Variants in AGBL1 observed in about 807,000 individuals in gnomAD.
AGBL1 encodes cytosolic carboxypeptidase 4.
AGBL1 carries 130 observed loss-of-function variants against 118.9 expected under a neutral mutation model. The ratio of observed to expected loss-of-function variants is 1.09; its 90% confidence interval spans 0.95 to 1.26. The LOEUF is 1.26. Among genes scored for constraint, AGBL1 ranks in the 50% most tolerant of loss-of-function variants. The pLI is 0.00. For missense variants in AGBL1, 1,584 were observed against 1,298.1 expected (o/e 1.22, Z -3.38); for synonymous variants, 555 against 478.9 (o/e 1.16, Z -2.08).
chr15:86,387,997 G>A (rs906070418), intron 17 of AGBL1, among the ~76,000 whole-genome samples: 1 of 152,170 alleles, frequency 6.6e-6, no homozygotes, highest in Non-Finnish European at 1.5e-5. Flanking sequence ...ACTGGAAGGC[G>A]GGTAGGGCTG....
At chr15:86,984,361 CTCTTT>C (rs1290722874) in intron 23 of AGBL1, among the ~76,000 whole-genome samples, 11 of 143,464 alleles carry the variant, frequency 7.7e-5, no homozygotes, top group South Asian at 2.2e-4. Flanking sequence ...ATTTTTTTCT[CTCTTT>C]TTTTTTTTTT....
rs1389415007 is a variant in AGBL1 at position 86,127,637 on chromosome 15, C to T, written c.52-14367C>T. ...ATTATGGCGGAGCCAAGCTATCTAT[C>T]TTCCAGAGCCATTTCTTCTTCTTCT... is the stretch of plus-strand genomic sequence containing the variant. On this transcript the variant is annotated intron_variant, in intron 1 of 22. Coordinates refer to ENST00000614907, the MANE Select transcript of AGBL1 (RefSeq NM_001386094.1). 3.3e-5 allele frequency among the ~76,000 whole-genome samples: 5 copies of T among 152,370 alleles called. No homozygotes were observed. In the South Asian group the frequency reaches 6.2e-4, roughly 19 times the overall value.
At chr15:86,538,548 A>C (rs1024865416) in intron 19 of AGBL1, among the ~76,000 whole-genome samples, 5 of 152,176 alleles carry the variant, frequency 3.3e-5, no homozygotes, top group African/African-American at 1.2e-4. Flanking sequence ...TCTGCACAAT[A>C]TTGTGCACAA....
chr15:86,452,950 C>G (rs2082214227), intron 18 of AGBL1, among the ~76,000 whole-genome samples: 1 of 152,154 alleles, frequency 6.6e-6, no homozygotes, highest in Non-Finnish European at 1.5e-5. Context: ...TAATTAGGTC[C>G]CTGATTGTCT....
intron 23 of AGBL1, among the ~76,000 whole-genome samples, chr15:86,955,599 G>A (rs2080921451): frequency 6.6e-6 from 1 of 152,058 alleles, no homozygotes; most frequent in Non-Finnish European, 1.5e-5. Flanking sequence ...CTTCTGACAA[G>A]TATGATTAAG....
At chr15:86,825,355 A>T (rs1247677315) in intron 22 of AGBL1, among the ~76,000 whole-genome samples, 2 of 142,554 alleles carry the variant, frequency 1.4e-5, no homozygotes, top group East Asian at 4.1e-4. Context: ...TAAAAGACTC[A>T]AAAAGGAGTT....
At chr15:86,758,796 A>G (rs1202501841) in intron 22 of AGBL1, among the ~76,000 whole-genome samples, 2 of 151,158 alleles carry the variant, frequency 1.3e-5, no homozygotes, top group Non-Finnish European at 2.9e-5. Context: ...ACATGAAAAA[A>G]CCCTGTCTCT....
intron 16 of AGBL1, 127 bp downstream of exon 16, chr15:86,279,910 T>A: frequency 8.0e-7 from 1 of 1,254,220 alleles, no homozygotes; most frequent in South Asian, 1.4e-5. Context: ...ACTACAGCCT[T>A]CCTAAAGGAG....
At chr15:87,012,757 A>G (rs2081574164) in intron 24 of AGBL1, among the ~76,000 whole-genome samples, 1 of 152,022 alleles carries the variant, frequency 6.6e-6, no homozygotes, top group African/African-American at 2.4e-5. Flanking sequence ...ATAGGGAGCT[A>G]GAAGCTAAAT....
intron 18 of AGBL1, among the ~76,000 whole-genome samples, chr15:86,476,614 T>C (rs1454527057): frequency 2.0e-5 from 3 of 152,170 alleles, no homozygotes; most frequent in African/African-American, 7.2e-5. Context: ...AGACTTAGAC[T>C]CCCACACAAT....
intron 18 of AGBL1, among the ~76,000 whole-genome samples, chr15:86,506,637 C>T (rs901452303): frequency 6.6e-6 from 1 of 152,050 alleles, no homozygotes; most frequent in South Asian, 2.1e-4. Flanking sequence ...ATCTGCTGCA[C>T]TATACCTGAC....
At chr15:86,550,419 A>G (rs1160750062) in intron 20 of AGBL1, among the ~76,000 whole-genome samples, 2 of 152,162 alleles carry the variant, frequency 1.3e-5, no homozygotes, top group Admixed American at 1.3e-4. Flanking sequence ...AAACAGCTTA[A>G]AAGTTAAAAG....
intron 18 of AGBL1, among the ~76,000 whole-genome samples, chr15:86,420,275 C>T (rs891097690): frequency 6.6e-6 from 1 of 152,120 alleles, no homozygotes; most frequent in Non-Finnish European, 1.5e-5. Flanking sequence ...AAGGAACAGG[C>T]AGCAATCTTT....
At chr15:86,736,567 A>T (rs2077602566) in intron 22 of AGBL1, among the ~76,000 whole-genome samples, 1 of 152,142 alleles carries the variant, frequency 6.6e-6, no homozygotes, top group Non-Finnish European at 1.5e-5. Context: ...GCTATAAGTG[A>T]TGTCACTGGC....
chr15:86,637,872 G>T (rs1421847150), intron 21 of AGBL1, among the ~76,000 whole-genome samples: 2 of 152,168 alleles, frequency 1.3e-5, no homozygotes, highest in African/African-American at 4.8e-5. Context: ...TGCCTGATCT[G>T]TGCTCTTTAT....
intron 17 of AGBL1, among the ~76,000 whole-genome samples, chr15:86,387,333 A>G (rs1250077873): frequency 6.6e-6 from 1 of 152,152 alleles, no homozygotes; most frequent in East Asian, 1.9e-4. Flanking sequence ...AAGGAGACCA[A>G]TTGGCTGGGC....
At chr15:86,716,079 A>G (rs896815326) in intron 22 of AGBL1, among the ~76,000 whole-genome samples, 10 of 151,998 alleles carry the variant, frequency 6.6e-5, no homozygotes, top group Non-Finnish European at 1.3e-4. Flanking sequence ...AAAAAAAAAA[A>G]AAAGAAATCA....
downstream of AGBL1, among the ~76,000 whole-genome samples, chr15:86,920,696 C>G (rs931474009): frequency 6.6e-6 from 1 of 152,116 alleles, no homozygotes; most frequent in Admixed American, 6.5e-5. Context: ...GTATATTCAT[C>G]CCAGTATTCT....
At chr15:86,439,164 T>C in intron 18 of AGBL1, among the ~76,000 whole-genome samples, 1 of 152,050 alleles carries the variant, frequency 6.6e-6, no homozygotes, top group East Asian at 1.9e-4. Flanking sequence ...TGTTTCTATG[T>C]GTGAATGTAA....
Sources: allele counts gnomAD v4.1 joint callset (sites outside exome capture counted in the v4.1 genomes callset), GRCh38; gene constraint gnomAD v4.1.1; transcripts MANE v1.5; gene names NCBI Gene and HGNC (gene_info 2026-07-23, HGNC 2026-07-21).